PRICKLE2: variants seen among roughly 807,000 people sequenced by gnomAD.
PRICKLE2 encodes prickle planar cell polarity protein 2, also known as prickle-like protein 2.
In PRICKLE2, 21 loss-of-function variants were observed where a neutral mutation model predicts 81.4. The ratio of observed to expected loss-of-function variants is 0.26; its 90% CI spans 0.18 to 0.37. The LOEUF (loss-of-function observed/expected upper bound fraction) is 0.37, where lower values mean the gene tolerates loss of function less well. PRICKLE2 is among the 10% of genes least tolerant of loss of function. The probability of loss-of-function intolerance (pLI) is 1.00; values close to 1 mark genes in which losing one functional copy is unlikely to be tolerated. For synonymous variants in PRICKLE2, 456 were observed against 421.5 expected, an observed-to-expected ratio of 1.08 and a Z score of -1.00; for missense variants, 940 against 1,109.0, an observed-to-expected ratio of 0.85 and a Z score of 2.16.
chr3:64,114,527 T>C (rs572809250), intron 7 of PRICKLE2, among the ~76,000 whole-genome samples: 3 of 152,020 alleles, frequency 2.0e-5, no homozygotes, highest in Non-Finnish European at 4.4e-5. Context: ...GAGAAAAACA[T>C]AACTGACCTT....
In PRICKLE2 at chr3:64,099,584, G is replaced by C. The variant is rs776915714; in HGVS notation, c.2002C>G (p.Arg668Gly). 6.2e-7 allele frequency: 1 copy of C among 1,613,508 alleles called. No homozygotes were observed. The highest frequency in any genetic ancestry group is 8.5e-7 in the Non-Finnish European group (1 of 1,179,784). ...CGTGAAGTAGCTCTTCTCCGGGTGCGTTCACTCATGGGCTGGATCCTCACG... is the reference window on the plus strand; with the variant it reads ...CGTGAAGTAGCTCTTCTCCGGGTGCCTTCACTCATGGGCTGGATCCTCACG... The part of the protein sequence containing the change: ...EGVRIQPMSE[R>G]TRRRATSRDD... The change falls in exon 8 of 8, where the codon CGC becomes GGC. Residue 668 changes from arginine to glycine, a missense_variant. By Grantham distance (125) the Arg-to-Gly change is moderately radical. Coordinates refer to ENST00000638394, the MANE Select transcript of PRICKLE2 (RefSeq NM_198859.4). The surrounding 1 kb of genome is among the most constrained non-coding windows in gnomAD (Gnocchi z 4.3).
intron 2 of PRICKLE2, among the ~76,000 whole-genome samples, chr3:64,194,859 T>G (rs1418522050): frequency 2.0e-5 from 3 of 152,000 alleles, no homozygotes; most frequent in East Asian, 1.9e-4. Context: ...CTGGGCAACA[T>G]AGTGAGACCC....
intron 7 of PRICKLE2, among the ~76,000 whole-genome samples, chr3:64,113,011 C>T (rs1328128413): frequency 1.3e-5 from 2 of 152,134 alleles, no homozygotes; most frequent in African/African-American, 2.4e-5. Flanking sequence ...TGCAGCAGGA[C>T]TCACTTTTGA....
At chr3:64,230,940 T>C (rs181598093) in intron 2 of PRICKLE2, among the ~76,000 whole-genome samples, 1 of 152,276 alleles carries the variant, frequency 6.6e-6, no homozygotes, top group East Asian at 1.9e-4. Flanking sequence ...CATGATAACA[T>C]AAGGACAAGC....
At chr3:64,161,203 A>C (rs2077727579) in intron 3 of PRICKLE2, among the ~76,000 whole-genome samples, 1 of 152,236 alleles carries the variant, frequency 6.6e-6, no homozygotes, top group South Asian at 2.1e-4. Context: ...AATACAATAC[A>C]ACTTAAAATA....
intron 7 of PRICKLE2, among the ~76,000 whole-genome samples, chr3:64,131,003 T>G (rs1042434918): frequency 6.6e-6 from 1 of 152,196 alleles, no homozygotes; most frequent in African/African-American, 2.4e-5. Context: ...CTAAACCTGT[T>G]GAGGTTGAGG....
At chr3:64,114,389 A>G (rs958764147) in intron 7 of PRICKLE2, among the ~76,000 whole-genome samples, 1 of 152,176 alleles carries the variant, frequency 6.6e-6, no homozygotes, top group African/African-American at 2.4e-5. Flanking sequence ...AGCTAAAATA[A>G]CAGAAATGAA....
At chr3:64,247,460 T>C (rs2079375350) in intron 2 of PRICKLE2, among the ~76,000 whole-genome samples, 1 of 152,302 alleles carries the variant, frequency 6.6e-6, no homozygotes, top group Middle Eastern at 3.4e-3. Flanking sequence ...ATAAAGACAT[T>C]TCATTTTGTA....
chr3:64,211,750 A>G (rs1015610296), intron 1 of PRICKLE2, among the ~76,000 whole-genome samples: 1 of 152,246 alleles, frequency 6.6e-6, no homozygotes, highest in African/African-American at 2.4e-5. Flanking sequence ...GCCATCATTA[A>G]TGTGTTAGCC....
At chr3:64,171,591 G>T (rs2077932206) in intron 2 of PRICKLE2, among the ~76,000 whole-genome samples, 1 of 152,204 alleles carries the variant, frequency 6.6e-6, no homozygotes, top group South Asian at 2.1e-4. Flanking sequence ...CCAGAAGAGG[G>T]TCTGGCATGT....
In PRICKLE2 at chr3:64,147,230, G is replaced by C; in HGVS notation, c.1260C>G (p.Ser420Arg). 1 of 1,609,296 alleles carries C rather than the reference G, an allele frequency of 6.2e-7. No individual in the cohort carries two copies. The highest frequency in any genetic ancestry group is 2.2e-5 in the East Asian group (1 of 44,786). ...NQTQSPLQLL[S>R]QCNIRTSYSP... Reference sequence around the variant, plus strand: ...TGTAGGAAGTTCTGATGTTGCACTGGCTGAGGAGCTGCAGAGGGCTCTGGG... The same window carrying C: ...TGTAGGAAGTTCTGATGTTGCACTGCCTGAGGAGCTGCAGAGGGCTCTGGG... Residue 420 changes from serine to arginine, a missense_variant, in exon 7 of 8, where the codon AGC (serine) becomes AGG (arginine). Around this residue, in one of 2 missense-constraint regions of PRICKLE2, gnomAD observed 670 missense variants for 717.2 expected, o/e 0.93. Coordinates refer to ENST00000638394, the MANE Select transcript of PRICKLE2 (RefSeq NM_198859.4). This position sits in a 1 kb window ranked among gnomAD's most constrained non-coding sequence, Gnocchi z 5.0.
At chr3:64,243,521 A>G (rs2079299911) in intron 2 of PRICKLE2, among the ~76,000 whole-genome samples, 1 of 152,230 alleles carries the variant, frequency 6.6e-6, no homozygotes. Context: ...GTAGAGGATG[A>G]GAACACAGAT....
intron 2 of PRICKLE2, among the ~76,000 whole-genome samples, chr3:64,235,036 C>T (rs1315586080): frequency 6.6e-6 from 1 of 152,066 alleles, no homozygotes; most frequent in African/African-American, 2.4e-5. Flanking sequence ...TCTCACATTT[C>T]TTAGGAGCTC....
chr3:64,142,706 T>C (rs781435745), intron 7 of PRICKLE2, among the ~76,000 whole-genome samples: 2 of 152,140 alleles, frequency 1.3e-5, no homozygotes, highest in African/African-American at 4.8e-5. Flanking sequence ...CTTGAATCAG[T>C]GTGTTTGGGA....
chr3:64,241,581 A>C (rs2079265800), intron 2 of PRICKLE2, among the ~76,000 whole-genome samples: 1 of 152,208 alleles, frequency 6.6e-6, no homozygotes, highest in South Asian at 2.1e-4. Flanking sequence ...TTGTCTCTAA[A>C]GTGCTCCAAT....
intron 2 of PRICKLE2, among the ~76,000 whole-genome samples, chr3:64,243,379 G>T (rs553971236): frequency 1.3e-5 from 2 of 152,132 alleles, no homozygotes; most frequent in Non-Finnish European, 2.9e-5. Context: ...TTCCCCAGTC[G>T]TGAAAACCAA....
At chr3:64,264,756 T>C (rs2079672304) in intron 2 of PRICKLE2, among the ~76,000 whole-genome samples, 1 of 152,092 alleles carries the variant, frequency 6.6e-6, no homozygotes, top group African/African-American at 2.4e-5. Context: ...ATAGTAGCTG[T>C]TTTAAAGAAA....
chr3:64,225,479 C>T (rs529502890), upstream of PRICKLE2: 8 of 983,738 alleles, frequency 8.1e-6, no homozygotes, highest in South Asian at 2.4e-4. Flanking sequence ...TTGCATCCTC[C>T]GCATGCTAAT....
At chr3:64,167,615 G>A (rs763968060) in intron 2 of PRICKLE2, among the ~76,000 whole-genome samples, 4 of 152,246 alleles carry the variant, frequency 2.6e-5, no homozygotes, top group Non-Finnish European at 5.9e-5. Flanking sequence ...GATGAGGCTT[G>A]TTGGAAGGAA....
Sources: gnomAD v4.1 joint callset for allele counts (sites outside exome capture counted in the v4.1 genomes callset) on GRCh38, gnomAD v4.1.1 for gene constraint, gnomAD v4.1.1 regional missense constraint, Gnocchi (gnomAD v3.1) non-coding constraint, MANE v1.5 for transcripts, NCBI Gene and HGNC (gene_info 2026-07-23, HGNC 2026-07-21) for gene names.